ANK3: variants seen among roughly 807,000 people sequenced by gnomAD.
ANK3 encodes the protein ankyrin-3.
ANK3 carries 57 observed loss-of-function variants against 370.9 expected under a neutral mutation model. The ratio of observed to expected loss-of-function variants is 0.15; its 90% CI spans 0.12 to 0.19. The LOEUF (loss-of-function observed/expected upper bound fraction) is 0.19, where lower values mean the gene tolerates loss of function less well. ANK3 is among the 10% of genes least tolerant of loss of function. The probability of loss-of-function intolerance (pLI) is 1.00; values close to 1 mark genes in which losing one functional copy is unlikely to be tolerated. For missense variants in ANK3, 4,439 were observed against 5,302.1 expected (o/e 0.84, Z 5.06); for synonymous variants, 1,929 against 1,946.3 (o/e 0.99, Z 0.23).
intron 29 of ANK3, among the ~76,000 whole-genome samples, chr10:60,087,474 G>A (rs1200900789): frequency 6.6e-6 from 1 of 152,130 alleles, no homozygotes; most frequent in Non-Finnish European, 1.5e-5. Context: ...CTTATTAAAG[G>A]TCATCTCAGG....
At chr10:60,097,646 G>C (rs1176325625) in intron 28 of ANK3, among the ~76,000 whole-genome samples, 1 of 152,088 alleles carries the variant, frequency 6.6e-6, no homozygotes, top group South Asian at 2.1e-4. Context: ...TGACTAAATG[G>C]GTTACTCTTA....
At chr10:60,317,340 G>C (rs2132874001) in intron 1 of ANK3, among the ~76,000 whole-genome samples, 1 of 151,798 alleles carries the variant, frequency 6.6e-6, no homozygotes, top group Non-Finnish European at 1.5e-5. Flanking sequence ...AGCCAGACTG[G>C]GCTCGAACTT....
Position 60,067,311 on chromosome 10 carries a change from T to C in ANK3, c.12319+624A>G, listed in dbSNP as rs556012787. Among the ~76,000 whole-genome samples, 7 of 152,358 alleles carry C rather than the reference T, an allele frequency of 4.6e-5. No individual in the cohort carries two copies. In the East Asian group the frequency reaches 1.3e-3, roughly 29 times the overall value. On this transcript the variant is annotated intron_variant, in intron 38 of 43. Transcript: ENST00000280772. The stretch of plus-strand genomic sequence containing the variant: ...AAATTTAAACTTACTGTCATTGTTT[T>C]CTTGTTTACATAGATAATGCAAATA...
At chr10:60,418,074 TTC>T (rs1362920608) in intron 2 of ANK3, among the ~76,000 whole-genome samples, 7 of 152,192 alleles carry the variant, frequency 4.6e-5, no homozygotes, top group Non-Finnish European at 1.0e-4. Flanking sequence ...TTCCTTCTCC[TTC>T]AGTTGTCAGA....
intron 2 of ANK3, among the ~76,000 whole-genome samples, chr10:60,399,471 C>A (rs993127187): frequency 3.3e-5 from 5 of 152,032 alleles, no homozygotes; most frequent in Non-Finnish European, 7.3e-5. Flanking sequence ...GAGGAAAGGC[C>A]CAAGTTTCAC....
intron 41 of ANK3, among the ~76,000 whole-genome samples, chr10:60,057,673 T>C (rs1334877381): frequency 3.3e-5 from 5 of 152,226 alleles, no homozygotes; most frequent in African/African-American, 1.2e-4. Context: ...TTCCTCCTTC[T>C]ATGGAACCAG....
Position 60,084,664 on chromosome 10 carries a change from C to T in ANK3, c.4012G>A (p.Val1338Met), listed in dbSNP as rs757426610. ...TCTTGTTGCTCTAAAGTTTTGTCCA[C>T]TTTGTCATCTGTCATGCAGAAACAT... is the stretch of plus-strand genomic sequence containing the variant. Reference protein sequence around the residue: ...LRCFCMTDDKVDKTLEQQENF... With the variant: ...LRCFCMTDDKMDKTLEQQENF... The change falls in exon 32 of 44, where the codon GTG becomes ATG. Residue 1338 changes from valine to methionine, a missense_variant. Physicochemically the swap from Val to Met is conservative, Grantham distance 21. Transcript: ENST00000280772. 3 of 1,613,706 alleles carry T rather than the reference C, an allele frequency of 1.9e-6. No individual in the cohort carries two copies. The highest frequency in any genetic ancestry group is 3.3e-5 in the Admixed American group (2 of 59,934).
intron 7 of ANK3, among the ~76,000 whole-genome samples, chr10:60,236,087 T>C (rs1438297178): frequency 6.6e-6 from 1 of 152,158 alleles, no homozygotes; most frequent in Non-Finnish European, 1.5e-5. Context: ...CTTCAAGTGC[T>C]CCTTACCCTG....
chr10:60,513,463 T>A (rs969560425), intron 2 of ANK3, among the ~76,000 whole-genome samples: 7 of 152,118 alleles, frequency 4.6e-5, no homozygotes, highest in African/African-American at 1.7e-4. Context: ...CCAGGGAGAC[T>A]TTTTTGAGGA....
intron 1 of ANK3, among the ~76,000 whole-genome samples, chr10:60,699,999 C>T (rs772064729): frequency 6.6e-5 from 10 of 152,244 alleles, no homozygotes; most frequent in Non-Finnish European, 1.0e-4. Context: ...CTTAGATGCT[C>T]ATATAAATGT....
chr10:60,126,069 C>T (rs912548086), intron 25 of ANK3, among the ~76,000 whole-genome samples: 34 of 152,136 alleles, frequency 2.2e-4, no homozygotes, highest in African/African-American at 6.0e-4. Context: ...ATATCACTTA[C>T]AGAATTTTCT....
rs190303926 is a variant in ANK3 at position 60,074,318 on chromosome 10, G to C, written c.6563C>G (p.Pro2188Arg). 6.2e-7 allele frequency: 1 copy of C among 1,613,980 alleles called. No homozygotes were observed. Among genetic ancestry groups the C allele is most frequent in the Admixed American group, 1.7e-5 (1 of 59,996 alleles). ...PSAGDVPQTQ[P>R]EEPVSPKPSP... ...AGGTTTAGGTGACACAGGCTCCTCTGGTTGGGTCTGGGGAACATCCCCAGC... is the reference window on the plus strand; with the variant it reads ...AGGTTTAGGTGACACAGGCTCCTCTCGTTGGGTCTGGGGAACATCCCCAGC... The change falls in exon 37 of 44, where the codon CCA becomes CGA. Residue 2188 changes from proline to arginine, a missense_variant. Transcript: ENST00000280772.
At chr10:60,502,667 C>T (rs559340745) in intron 2 of ANK3, among the ~76,000 whole-genome samples, 7 of 145,508 alleles carry the variant, frequency 4.8e-5, no homozygotes, top group East Asian at 2.0e-4. Flanking sequence ...CTCCAGTCTG[C>T]GCAACATAGG....
At chr10:60,469,769 A>T (rs536097369) in intron 2 of ANK3, among the ~76,000 whole-genome samples, 30 of 148,666 alleles carry the variant, frequency 2.0e-4, no homozygotes, top group African/African-American at 7.2e-4. Flanking sequence ...CCAATTGTAA[A>T]CTTTTACTAA....
intron 13 of ANK3, among the ~76,000 whole-genome samples, chr10:60,199,060 T>G (rs1273487883): frequency 1.3e-5 from 2 of 152,112 alleles, no homozygotes; most frequent in Non-Finnish European, 2.9e-5. Context: ...TGCCCTCTGC[T>G]TGCCAGGCTG....
rs1055180093 is a variant in ANK3 at position 60,192,254 on chromosome 10, T to C, written c.1887+3891A>G. ...GTGCGCGTGTGTGTGTATACAGATA[T>C]ATATACATACATATAGTAGTATTCC... On this transcript the variant is annotated intron_variant, in intron 16 of 43. Coordinates refer to ENST00000280772, the MANE Select transcript of ANK3 (RefSeq NM_020987.5). Among the ~76,000 whole-genome samples the C allele has an allele frequency of 2.6e-5, 4 of 152,030 alleles. No homozygotes were observed. The South Asian group carries it at 6.2e-4, about 24-fold the overall frequency.
intron 1 of ANK3, among the ~76,000 whole-genome samples, chr10:60,303,042 T>C (rs571030759): frequency 6.6e-6 from 1 of 152,256 alleles, no homozygotes; most frequent in African/African-American, 2.4e-5. Context: ...TCTAACACTG[T>C]ATACAAAAGT....
intron 1 of ANK3, among the ~76,000 whole-genome samples, chr10:60,667,031 G>T (rs1295576273): frequency 6.6e-6 from 1 of 151,810 alleles, no homozygotes; most frequent in Non-Finnish European, 1.5e-5. Flanking sequence ...CCCAAATACT[G>T]CAGGGAGTAT....
intron 2 of ANK3, among the ~76,000 whole-genome samples, chr10:60,426,778 A>G (rs1043873928): frequency 2.6e-5 from 4 of 152,196 alleles, no homozygotes; most frequent in East Asian, 1.9e-4. Flanking sequence ...AGCATCTTCA[A>G]TTAGGTCACC....
Sources: allele counts gnomAD v4.1 joint callset (sites outside exome capture counted in the v4.1 genomes callset), GRCh38; gene constraint gnomAD v4.1.1; transcripts MANE v1.5; gene names NCBI Gene and HGNC (gene_info 2026-07-23, HGNC 2026-07-21).